The following PPFIA2 variants were observed in gnomAD, a reference collection of about 807,000 sequenced individuals.
PPFIA2 encodes liprin-alpha-2.
A neutral mutation model predicts 175.5 loss-of-function variants in PPFIA2; 46 were observed. The observed-to-expected ratio is 0.26, with a 90% CI of 0.21 to 0.34. The LOEUF is 0.34. Among genes scored for constraint, PPFIA2 ranks in the 10% least tolerant of loss-of-function variants. The probability of loss-of-function intolerance (pLI) is 1.00; values close to 1 mark genes in which losing one functional copy is unlikely to be tolerated. For synonymous variants in PPFIA2, 568 were observed against 511.4 expected (o/e 1.11, Z -1.49); for missense variants, 1,179 against 1,506.1 (o/e 0.78, Z 3.60).
intron 4 of PPFIA2, among the ~76,000 whole-genome samples, chr12:81,600,928 T>G (rs1297811341): frequency 6.6e-6 from 1 of 151,992 alleles, no homozygotes; most frequent in African/African-American, 2.4e-5. Flanking sequence ...GATCAGAAAA[T>G]TCACCAGATC....
chr12:81,623,032 GT>G (rs1401788949), intron 4 of PPFIA2, among the ~76,000 whole-genome samples: 1 of 152,022 alleles, frequency 6.6e-6, no homozygotes, highest in African/African-American at 2.4e-5. Flanking sequence ...CATGTTTTTG[GT>G]TTTGCTTTTC....
Position 81,299,338 on chromosome 12 carries a change from G to A in PPFIA2, c.2687C>T (p.Ala896Val). ...EEARRKGLPF[A>V]QWDGPTVVAW... ...GACCACAGTTGGCCCATCCCACTGG[G>A]CAAAAGGTAATCCCTTTCTCCGAGC... is the stretch of plus-strand genomic sequence containing the variant. Residue 896 changes from alanine (A) to valine (V), a missense_variant, in exon 23 of 33, where the codon GCC (alanine) becomes GTC (valine). Physicochemically the swap from Ala to Val is moderately conservative, Grantham distance 64. Around this residue, in one of 10 missense-constraint regions of PPFIA2, gnomAD observed 44 missense variants for 81.3 expected, o/e 0.54. Coordinates refer to ENST00000549396, the MANE Select transcript of PPFIA2 (RefSeq NM_003625.5). 6.3e-7 allele frequency: 1 copy of A among 1,596,754 alleles called. No homozygotes were observed. Among genetic ancestry groups the A allele is most frequent in the Non-Finnish European group, 8.5e-7 (1 of 1,170,872 alleles).
chr12:81,637,313 A>G (rs1309920990), intron 4 of PPFIA2, among the ~76,000 whole-genome samples: 1 of 122,348 alleles, frequency 8.2e-6, no homozygotes, highest in Non-Finnish European at 1.6e-5. Context: ...TATGTTGGTC[A>G]GGCTGGTCCC....
chr12:81,692,741 C>T (rs2401001), intron 3 of PPFIA2, among the ~76,000 whole-genome samples: 134,807 of 152,122 alleles, frequency 0.89, 59,948 homozygotes, highest in East Asian at 1. Flanking sequence ...AAATTGTACA[C>T]ATAACTTGTA....
At chr12:81,590,722 C>T (rs1417450498) in intron 4 of PPFIA2, among the ~76,000 whole-genome samples, 2 of 152,096 alleles carry the variant, frequency 1.3e-5, no homozygotes, top group Non-Finnish European at 1.5e-5. Context: ...CAAGCTCTCT[C>T]TCTTTGCCTG....
chr12:81,605,957 C>T (rs2060267745), intron 4 of PPFIA2, among the ~76,000 whole-genome samples: 1 of 151,740 alleles, frequency 6.6e-6, no homozygotes, highest in African/African-American at 2.4e-5. Flanking sequence ...TTTTTCAACC[C>T]ACGCTACACT....
At chr12:81,356,948 T>C (rs2060950468) in intron 16 of PPFIA2, among the ~76,000 whole-genome samples, 1 of 152,194 alleles carries the variant, frequency 6.6e-6, no homozygotes, top group African/African-American at 2.4e-5. Flanking sequence ...CCATTTGAAG[T>C]AAGCAATTGA....
At chr12:81,463,436 G>T (rs965839650) in intron 4 of PPFIA2, among the ~76,000 whole-genome samples, 3 of 152,050 alleles carry the variant, frequency 2.0e-5, no homozygotes, top group South Asian at 2.1e-4. Flanking sequence ...AGACTATTTT[G>T]TTCACCAACC....
At chr12:81,309,325 AT>A (rs997098017) in intron 22 of PPFIA2, among the ~76,000 whole-genome samples, 1 of 151,920 alleles carries the variant, frequency 6.6e-6, no homozygotes, top group Non-Finnish European at 1.5e-5. Flanking sequence ...CAACTCAATT[AT>A]TTTTTTTAAC....
chr12:81,504,321 A>G (rs189462137), intron 4 of PPFIA2, among the ~76,000 whole-genome samples: 1 of 152,316 alleles, frequency 6.6e-6, no homozygotes, highest in East Asian at 1.9e-4. Flanking sequence ...CAACCCCATC[A>G]AAAAGTGGGC....
intron 6 of PPFIA2, among the ~76,000 whole-genome samples, chr12:81,443,476 A>T (rs73356671): frequency 0.03 from 4,600 of 151,350 alleles, 225 homozygotes; most frequent in African/African-American, 0.11. Flanking sequence ...GTTATGCTAA[A>T]CCCACTGAAC....
chr12:81,547,370 T>G (rs571148794), intron 4 of PPFIA2, among the ~76,000 whole-genome samples: 1 of 152,198 alleles, frequency 6.6e-6, no homozygotes, highest in Admixed American at 6.5e-5. Flanking sequence ...AACTTTTTTT[T>G]CTTTCCTTTT....
chr12:81,726,585 G>T (rs2080109096), intron 3 of PPFIA2, among the ~76,000 whole-genome samples: 1 of 151,300 alleles, frequency 6.6e-6, no homozygotes, highest in South Asian at 2.1e-4. Flanking sequence ...CACCAGCTTT[G>T]CTTCTGAGAA....
At position 81,754,057 on chromosome 12, in the gene PPFIA2, G is replaced by T; in HGVS notation, c.165C>A (p.Ser55Arg). The change falls in exon 3 of 33, where the codon AGC becomes AGA. Residue 55 changes from serine to arginine, a missense_variant. Physicochemically the swap from Ser to Arg is moderately radical, Grantham distance 110. Coordinates refer to ENST00000549396, the MANE Select transcript of PPFIA2 (RefSeq NM_003625.5). The part of the protein sequence containing the change: ...LLDTLRETQE[S>R]LSLAQQRLQD... ...GAAGTCTTTGCTGGGCAAGTGAGAG[G>T]CTTTCCTGGGTCTCCCGAAGGGTGT... 6.2e-7 allele frequency: 1 copy of T among 1,613,832 alleles called. No homozygotes were observed. The highest frequency in any genetic ancestry group is 8.5e-7 in the Non-Finnish European group (1 of 1,179,850).
chr12:81,275,325 A>T (rs557007804), intron 28 of PPFIA2, among the ~76,000 whole-genome samples: 7 of 152,330 alleles, frequency 4.6e-5, no homozygotes, highest in Admixed American at 3.3e-4. Flanking sequence ...CAAGAAATCC[A>T]TTGTGAGTCT....
At chr12:81,276,491 T>C (rs1487309448) in intron 28 of PPFIA2, among the ~76,000 whole-genome samples, 1 of 152,132 alleles carries the variant, frequency 6.6e-6, no homozygotes, top group Non-Finnish European at 1.5e-5. Context: ...ATAATAAAAA[T>C]AGAACGGTCT....
intron 24 of PPFIA2, among the ~76,000 whole-genome samples, chr12:81,290,482 C>T (rs1334646499): frequency 6.6e-6 from 1 of 151,698 alleles, no homozygotes; most frequent in Admixed American, 6.6e-5. Flanking sequence ...AGAGACACAA[C>T]TTAACTTGTC....
intron 3 of PPFIA2, among the ~76,000 whole-genome samples, chr12:81,752,288 T>C (rs184100190): frequency 3.9e-5 from 6 of 152,182 alleles, no homozygotes; most frequent in Admixed American, 6.5e-5. Context: ...TAAGGAAGAG[T>C]GTGACTGGTT....
At chr12:81,694,440 A>G (rs1419150613) in intron 3 of PPFIA2, among the ~76,000 whole-genome samples, 1 of 152,138 alleles carries the variant, frequency 6.6e-6, no homozygotes, top group Non-Finnish European at 1.5e-5. Context: ...GCTGCCAGAT[A>G]CTGATAGTGC....
Sources: allele counts gnomAD v4.1 joint callset (sites outside exome capture counted in the v4.1 genomes callset), GRCh38; gene constraint gnomAD v4.1.1; regional missense constraint gnomAD v4.1.1; transcripts MANE v1.5; gene names NCBI Gene and HGNC (gene_info 2026-07-23, HGNC 2026-07-21).